The following KIF27 variants were observed in gnomAD, a reference collection of about 807,000 sequenced individuals.
The protein encoded by KIF27 is kinesin-like protein KIF27.
A neutral mutation model predicts 141.8 loss-of-function variants in KIF27; 84 were observed. That is an observed-to-expected ratio of 0.59 (90% CI 0.50 to 0.71). The LOEUF is 0.71. Ranked by LOEUF, KIF27 falls within the 30% of genes least tolerant of loss-of-function variation. The probability of loss-of-function intolerance (pLI) is 0.00; values close to 1 mark genes in which losing one functional copy is unlikely to be tolerated. For missense variants in KIF27, 1,306 were observed against 1,628.4 expected (o/e 0.80, Z 3.41); for synonymous variants, 471 against 569.5 (o/e 0.83, Z 2.46).
At chr9:83,917,628 T>C (rs573172681) in intron 1 of KIF27, among the ~76,000 whole-genome samples, 222 of 152,282 alleles carry the variant, frequency 1.5e-3, no homozygotes, top group Admixed American at 3.5e-3. Context: ...CAGAATAGAA[T>C]TGAGAATCCA....
chr9:83,920,702 G>A (rs991981007), intron 1 of KIF27, among the ~76,000 whole-genome samples: 55 of 152,196 alleles, frequency 3.6e-4, no homozygotes, highest in African/African-American at 1.3e-3. Flanking sequence ...TTTCAACACT[G>A]GAGACTTAAA....
intron 5 of KIF27, among the ~76,000 whole-genome samples, chr9:83,899,251 G>A (rs1358635220): frequency 2.0e-5 from 3 of 152,124 alleles, no homozygotes; most frequent in Non-Finnish European, 2.9e-5. Flanking sequence ...TTTGAAAGAT[G>A]TAAGCAAAGT....
chr9:83,906,646 G>T (rs2132640097), intron 3 of KIF27, among the ~76,000 whole-genome samples: 1 of 151,614 alleles, frequency 6.6e-6, no homozygotes, highest in Non-Finnish European at 1.5e-5. Context: ...GGGAGGCTGA[G>T]GTAGGAGGAT....
chr9:83,891,638 G>T, intron 5 of KIF27, 137 bp from the exon 6 acceptor site: 1 of 836,900 alleles, frequency 1.2e-6, no homozygotes, highest in Non-Finnish European at 1.8e-6. Flanking sequence ...CCAGAGACTA[G>T]CTCTCTGGTG....
intron 5 of KIF27, among the ~76,000 whole-genome samples, chr9:83,897,328 C>T (rs1032857155): frequency 5.3e-5 from 8 of 152,048 alleles, no homozygotes; most frequent in Admixed American, 1.3e-4. Context: ...ACAAATGGAC[C>T]TTGATTTATG....
chr9:83,912,385 T>C (rs1955258380), intron 2 of KIF27, among the ~76,000 whole-genome samples: 1 of 152,224 alleles, frequency 6.6e-6, no homozygotes, highest in African/African-American at 2.4e-5. Context: ...ATGTGGCAAG[T>C]AAAGTTAAGT....
Position 83,903,988 on chromosome 9 carries a change from T to G in KIF27, c.530A>C (p.Glu177Ala). 6.2e-7 allele frequency: 1 copy of G among 1,608,700 alleles called. No homozygotes were observed. Among genetic ancestry groups the G allele is most frequent in the Non-Finnish European group, 8.5e-7 (1 of 1,177,560 alleles). The stretch of plus-strand genomic sequence containing the variant: ...AAGACTCATCACTTCACCTGCACTC[T>G]CCACATGGCATTCCTTGGCCCCAAC... Reference protein sequence around the residue: ...VIVGAKECHVESAGEVMSLLE... With the variant: ...VIVGAKECHVASAGEVMSLLE... Residue 177 changes from glutamate (E) to alanine (A), a missense_variant, in exon 4 of 18, where the codon GAG becomes GCG. Glu to Ala is a moderately radical substitution (Grantham distance 107). Coordinates refer to ENST00000297814, the MANE Select transcript of KIF27 (RefSeq NM_017576.4).
chr9:83,851,772 C>T (rs1948612287), intron 15 of KIF27, among the ~76,000 whole-genome samples: 1 of 152,170 alleles, frequency 6.6e-6, no homozygotes, highest in African/African-American at 2.4e-5. Context: ...GAAAAATAAT[C>T]ATTAATACAA....
chr9:83,914,444 C>T (rs767074271), intron 2 of KIF27, among the ~76,000 whole-genome samples: 9 of 152,034 alleles, frequency 5.9e-5, no homozygotes, highest in Non-Finnish European at 1.2e-4. Context: ...GAGCCACCTC[C>T]CATCCATGCA....
intron 6 of KIF27, 79 bp downstream of exon 6, chr9:83,891,216 T>C (rs1219809528): frequency 8.9e-7 from 1 of 1,120,070 alleles, no homozygotes; most frequent in Non-Finnish European, 1.3e-6. Context: ...CTGCTGAGAC[T>C]GTATAAATAC....
intron 16 of KIF27, chr9:83,848,872 G>A (rs1262213242): frequency 6.6e-6 from 1 of 151,716 alleles, no homozygotes; most frequent in African/African-American, 2.4e-5. Context: ...GGAGTGCAGT[G>A]GTGTGACCAC....
intron 6 of KIF27, among the ~76,000 whole-genome samples, chr9:83,889,640 G>A (rs570785053): frequency 1.6e-4 from 25 of 151,520 alleles, no homozygotes; most frequent in African/African-American, 6.1e-4. Flanking sequence ...GAACTGTGGT[G>A]CTGCCGCCAA....
chr9:83,866,860 A>T (rs572241873), intron 13 of KIF27, among the ~76,000 whole-genome samples: 44 of 148,212 alleles, frequency 3.0e-4, no homozygotes, highest in Admixed American at 1.4e-3. Context: ...TCAAAAAATT[A>T]AAAAAAAAAA....
intron 16 of KIF27, among the ~76,000 whole-genome samples, chr9:83,846,708 T>C (rs1420640349): frequency 6.6e-6 from 1 of 152,142 alleles, no homozygotes; most frequent in African/African-American, 2.4e-5. Flanking sequence ...CCCCTAGTGA[T>C]CCATTAGCAA....
intron 13 of KIF27, among the ~76,000 whole-genome samples, chr9:83,864,256 T>C (rs533784562): frequency 6.6e-6 from 1 of 152,356 alleles, no homozygotes; most frequent in East Asian, 1.9e-4. Context: ...ATTCTTTTAA[T>C]TGTGATGTTA....
intron 15 of KIF27, among the ~76,000 whole-genome samples, chr9:83,850,924 G>A (rs1389168517): frequency 5.3e-5 from 6 of 114,046 alleles, no homozygotes; most frequent in African/African-American, 1.7e-4. Context: ...TGCAAGCTCC[G>A]CCTCCCGGGT....
In KIF27 at chr9:83,915,357, T is replaced by C; in HGVS notation, c.235A>G (p.Thr79Ala). 1 of 1,613,836 alleles carries C rather than the reference T, an allele frequency of 6.2e-7. No individual in the cohort carries two copies. The highest frequency in any genetic ancestry group is 8.5e-7 in the Non-Finnish European group (1 of 1,179,792). The part of the protein sequence containing the change: ...VLSLIEGYNA[T>A]VFAYGQTGSG... ...CCAGTTTGTCCATAGGCAAAAACAG[T>C]TGCATTATAGCCCTCAATGAGTGAC... is the stretch of plus-strand genomic sequence containing the variant. Residue 79 changes from threonine (T) to alanine (A), a missense_variant, in exon 2 of 18, where the codon ACT becomes GCT. By Grantham distance (58) the Thr-to-Ala change is moderately conservative (BLOSUM62 0). This residue lies in a region of KIF27 where 533 missense variants were observed against 565.6 expected (regional missense o/e 0.94). Coordinates refer to ENST00000297814, the MANE Select transcript of KIF27 (RefSeq NM_017576.4).
chr9:83,853,961 A>G, intron 14 of KIF27, 126 bp from the exon 15 acceptor site: 1 of 730,302 alleles, frequency 1.4e-6, no homozygotes, highest in Non-Finnish European at 2.2e-6. Flanking sequence ...ATTTTAAGAA[A>G]ATGTTTTTTG....
chr9:83,874,080 T>C (rs1951018176), intron 11 of KIF27, among the ~76,000 whole-genome samples: 1 of 151,952 alleles, frequency 6.6e-6, no homozygotes, highest in African/African-American at 2.4e-5. Context: ...GGAGTACTTC[T>C]AATTCCCTCT....
Sources: allele counts gnomAD v4.1 joint callset (sites outside exome capture counted in the v4.1 genomes callset), GRCh38; gene constraint gnomAD v4.1.1; regional missense constraint gnomAD v4.1.1; transcripts MANE v1.5; gene names NCBI Gene and HGNC (gene_info 2026-07-23, HGNC 2026-07-21).